The following COQ4 variants were observed in gnomAD, a reference collection of about 807,000 sequenced individuals.
COQ4 encodes the protein coenzyme Q4, also known as ubiquinone biosynthesis protein COQ4 homolog, mitochondrial.
A neutral mutation model predicts 30.2 loss-of-function variants in COQ4; 36 were observed. The observed-to-expected ratio is 1.19, with a 90% CI of 0.91 to 1.57. COQ4 has a LOEUF of 1.57. COQ4 is among the 40% of genes most tolerant of loss of function. The probability of loss-of-function intolerance (pLI) is 0.00; values close to 1 mark genes in which losing one functional copy is unlikely to be tolerated. For synonymous variants in COQ4, 197 were observed against 161.0 expected (o/e 1.22, Z -1.69); for missense variants, 369 against 371.9 (o/e 0.99, Z 0.07).
At chr9:128,324,836 T>G (rs184322945) in intron 2 of COQ4, among the ~76,000 whole-genome samples, 1 of 152,368 alleles carries the variant, frequency 6.6e-6, no homozygotes, top group East Asian at 1.9e-4. Flanking sequence ...CCAGCATCTC[T>G]GATGCCTAAG....
In COQ4 at chr9:128,333,907, G is replaced by A. The variant is rs1384000792; in HGVS notation, c.*262G>A. ...AGTATCAGTCGTCTGGGCTCATGCT[G>A]GGATGTCGCAGTGCTCCTGTTGCAA... On this transcript the variant is annotated 3_prime_UTR_variant, in exon 7 of 7. Transcript: ENST00000300452. The A allele has an allele frequency of 6.6e-6, 2 of 301,516 alleles. No individual in the cohort carries two copies. Among genetic ancestry groups the A allele is most frequent in the East Asian group, 5.6e-5 (1 of 17,888 alleles). The allele number at this position is 301,516 out of a possible 1,614,324, so 18.7% of individuals were successfully genotyped here. A position where few individuals can be genotyped will look rare whatever the true frequency, so the allele number is the denominator to read the frequency against.
chr9:128,325,996 C>T, intron 4 of COQ4, 115 bp downstream of exon 4: 1 of 908,558 alleles, frequency 1.1e-6, no homozygotes, highest in South Asian at 1.4e-5. Flanking sequence ...CAGGAGTGCT[C>T]TTCAGGCTCA....
chr9:128,323,271 A>C, intron 2 of COQ4, 124 bp downstream of exon 2: 1 of 950,312 alleles, frequency 1.1e-6, no homozygotes, highest in Non-Finnish European at 1.5e-6. Context: ...CGGAACGTTT[A>C]TGAAAATGCA....
At position 128,322,958 on chromosome 9, in the gene COQ4, G is replaced by A. The variant is rs745676897; in HGVS notation, c.70+30G>A. ...GTGGCGCCGGGTTCTGGGCGCAGGC[G>A]GGAAGGAGCCTGAGGGCGCCCGGCT... On this transcript the variant is annotated intron_variant, in intron 1 of 6. Transcript: ENST00000300452. 43 of 1,604,446 alleles carry A rather than the reference G, an allele frequency of 2.7e-5. 1 individual carries two copies. In the Admixed American group the frequency reaches 4.0e-4, roughly 15 times the overall value.
rs141228574 is a variant in COQ4, at chr9:128,332,233, G to C, written c.483G>C (p.Glu161Asp). Residue 161 changes from glutamate (E) to aspartate (D), a missense_variant, in exon 5 of 7, where the codon GAG (glutamate) becomes GAC (aspartate). Physicochemically the swap from Glu to Asp is conservative, Grantham distance 45. Coordinates refer to ENST00000300452, the MANE Select transcript of COQ4 (RefSeq NM_016035.5). ...CGTATGTGATTCAGCGGTACCGGGA[G>C]GTGCACGACATGCTTCACACCCTGC... The part of the protein sequence containing the change: ...ELAYVIQRYR[E>D]VHDMLHTLLG... 13,084 of 1,613,374 alleles carry C rather than the reference G, an allele frequency of 8.1e-3. 91 individuals carry two copies. Among genetic ancestry groups the C allele is most frequent in the South Asian group, 0.011 (965 of 90,838 alleles).
Position 128,325,856 on chromosome 9 carries a change from A to G in COQ4, c.377A>G (p.Glu126Gly). 1.2e-6 allele frequency: 2 copies of G among 1,614,136 alleles called. No homozygotes were observed. The highest frequency in any genetic ancestry group is 1.7e-6 in the Non-Finnish European group (2 of 1,180,020). ...QSLPEGSLGR[E>G]YLRFLDVNRV... ...CTGCCGGAAGGCTCCCTCGGTCGCG[A>G]GTATCTCCGTTTCCTGGATGTGAAC... Residue 126 changes from glutamate to glycine, a missense_variant, in exon 4 of 7, where the codon GAG (glutamate) becomes GGG (glycine). Coordinates refer to ENST00000300452, the MANE Select transcript of COQ4 (RefSeq NM_016035.5).
chr9:128,325,309 GTGTT>G, intron 3 of COQ4, 70 bp downstream of exon 3: 1 of 1,107,586 alleles, frequency 9.0e-7, no homozygotes, highest in Non-Finnish European at 1.3e-6. Context: ...GAATCACATT[GTGTT>G]TGTTCTGTTC....
rs35213511 is a variant in COQ4, at chr9:128,332,931, G to A, written c.614G>A (p.Arg205Gln). ...CTGGGTGCATTCTTTGGACCGATCC[G>A]ACTTGGCGCTCAGTAAGTTTTCAAG... is the stretch of plus-strand genomic sequence containing the variant. Reference protein sequence around the residue: ...CILGAFFGPIRLGAQSLQVLV... With the variant: ...CILGAFFGPIQLGAQSLQVLV... Residue 205 changes from arginine (R) to glutamine (Q), a missense_variant, in exon 6 of 7, where the codon CGA (arginine) becomes CAA (glutamine). Arg to Gln is a conservative substitution (Grantham distance 43). Coordinates refer to ENST00000300452, the MANE Select transcript of COQ4 (RefSeq NM_016035.5). 7.6e-4 allele frequency: 1,228 copies of A among 1,613,948 alleles called. 9 individuals are homozygous for A. The African/African-American group carries it at 0.015, about 19-fold the overall frequency.
intron 4 of COQ4, among the ~76,000 whole-genome samples, chr9:128,326,748 T>TTTTTGTTTTG (rs1264144904): frequency 6.6e-6 from 1 of 150,580 alleles, no homozygotes; most frequent in East Asian, 2.0e-4. Context: ...CGGCCCATCC[T>TTTTTGTTTTG]TTTTGTTTTG....
intron 4 of COQ4, chr9:128,330,735 G>A (rs373573615): frequency 1.3e-5 from 2 of 152,060 alleles, no homozygotes; most frequent in African/African-American, 4.8e-5. Flanking sequence ...AAAGTGCTGG[G>A]ATTGTAACCA....
rs751428679 is a variant in COQ4 at position 128,325,180 on chromosome 9, C to T, written c.240C>T (p.Arg80=). 82 of 1,614,048 alleles carry T rather than the reference C, an allele frequency of 5.1e-5. No homozygotes were observed. The highest frequency in any genetic ancestry group is 6.4e-5 in the Non-Finnish European group (75 of 1,179,998). ...TTCTAGGGGAGACCACAGGACACCGCACCCTGAAGGTCCTCAGGGACCAGA... is the reference window on the plus strand; with the variant it reads ...TTCTAGGGGAGACCACAGGACACCGTACCCTGAAGGTCCTCAGGGACCAGA... The part of the protein sequence containing the change: ...VAVLGETTGH[R]TLKVLRDQMR... Residue 80 remains arginine, a synonymous_variant, in exon 3 of 7, where the codon CGC becomes CGT. Coordinates refer to ENST00000300452, the MANE Select transcript of COQ4 (RefSeq NM_016035.5).
chr9:128,332,475 A>G (rs1832431522), intron 5 of COQ4, 193 bp downstream of exon 5: 4 of 638,048 alleles, frequency 6.3e-6, no homozygotes, highest in Non-Finnish European at 1.1e-5. Flanking sequence ...TCCTGCACTA[A>G]TGGAGCAGCA....
chr9:128,330,178 G>A (rs1832381398), intron 4 of COQ4, among the ~76,000 whole-genome samples: 1 of 150,082 alleles, frequency 6.7e-6, no homozygotes, highest in African/African-American at 2.5e-5. Context: ...AGACCAGCCT[G>A]ACCAACATGG....
rs1193401074 is a variant in COQ4 at position 128,332,021 on chromosome 9, C to A, written c.403-132C>A. ...TGGGATTTACAGGCATGAGCCTCGG[C>A]CCCTGGCCAGTCGCCAGAGTTTTCT... On this transcript the variant is annotated intron_variant, in intron 4 of 6. Transcript: ENST00000300452. 6.4e-6 allele frequency: 7 copies of A among 1,090,860 alleles called. No individual in the cohort carries two copies. The Admixed American group carries it at 1.7e-4, about 27-fold the overall frequency. The allele number at this position is 1,090,860 out of a possible 1,614,324, so 67.6% of individuals were successfully genotyped here. A position where few individuals can be genotyped will look rare whatever the true frequency, so the allele number is the denominator to read the frequency against.
chr9:128,332,860 G>C lies in COQ4; in HGVS notation c.543G>C (p.Val181=). 6.2e-7 allele frequency: 1 copy of C among 1,613,810 alleles called. No homozygotes were observed. The highest frequency in any genetic ancestry group is 1.7e-4 in the Middle Eastern group (1 of 6,060). Residue 181 remains valine (V), a synonymous_variant, in exon 6 of 7, where the codon GTG becomes GTC. Coordinates refer to ENST00000300452, the MANE Select transcript of COQ4 (RefSeq NM_016035.5). The stretch of plus-strand genomic sequence containing the variant: ...ATCCCTCACCCACAGGGGAGATCGT[G>C]GTGAAATGGTTTGAGGCTGTCCAGA... ...GMPTNILGEI[V]VKWFEAVQTG...
intron 2 of COQ4, among the ~76,000 whole-genome samples, chr9:128,324,388 G>T (rs1832281379): frequency 6.6e-6 from 1 of 152,120 alleles, no homozygotes; most frequent in African/African-American, 2.4e-5. Context: ...GCCCCCCAGT[G>T]TTGAGATTAC....
rs1348103394 is a variant in COQ4, at chr9:128,332,868, G to C, written c.551G>C (p.Trp184Ser). 1 of 1,614,000 alleles carries C rather than the reference G, an allele frequency of 6.2e-7. No homozygotes were observed. Residue 184 changes from tryptophan (W) to serine (S), a missense_variant, in exon 6 of 7, where the codon TGG (tryptophan) becomes TCG (serine). By Grantham distance (177) the Trp-to-Ser change is radical. Coordinates refer to ENST00000300452, the MANE Select transcript of COQ4 (RefSeq NM_016035.5). ...TNILGEIVVK[W>S]FEAVQTGLPM... ...CCCACAGGGGAGATCGTGGTGAAAT[G>C]GTTTGAGGCTGTCCAGACTGGCCTG...
chr9:128,323,462 C>T (rs1229498156), intron 2 of COQ4: 4 of 466,656 alleles, frequency 8.6e-6, no homozygotes, highest in East Asian at 7.0e-5. Flanking sequence ...TAATATCCTA[C>T]TAGAAAGTCA....
At chr9:128,333,127 C>G (rs1458137656) in intron 6 of COQ4, among the ~76,000 whole-genome samples, 184 bp downstream of exon 6, 1 of 152,148 alleles carries the variant, frequency 6.6e-6, no homozygotes, top group African/African-American at 2.4e-5. Context: ...CAAGGGTCTT[C>G]AAGTGAGCAA....
Sources: gnomAD v4.1 joint callset for allele counts (sites outside exome capture counted in the v4.1 genomes callset) on GRCh38, gnomAD v4.1.1 for gene constraint, MANE v1.5 for transcripts, NCBI Gene and HGNC (gene_info 2026-07-23, HGNC 2026-07-21) for gene names.